KIAA1217: variants seen among roughly 807,000 people sequenced by gnomAD.
The protein encoded by KIAA1217 is sickle tail protein homolog.
Under a neutral mutation model 163.9 loss-of-function variants are expected in KIAA1217, and 88 were observed. The observed-to-expected ratio is 0.54, with a 90% CI of 0.45 to 0.64. The LOEUF is 0.64. Ranked by LOEUF, KIAA1217 falls within the 30% of genes least tolerant of loss-of-function variation. The pLI is 0.00. For missense variants in KIAA1217, 2,372 were observed against 2,475.0 expected (o/e 0.96, Z 0.88); for synonymous variants, 903 against 923.1 (o/e 0.98, Z 0.39).
intron 2 of KIAA1217, among the ~76,000 whole-genome samples, chr10:24,009,091 TG>T (rs1847135234): frequency 6.6e-6 from 1 of 152,192 alleles, no homozygotes; most frequent in South Asian, 2.1e-4. Context: ...TTTTGTTGCC[TG>T]AATTGGGATT....
chr10:23,845,036 C>T (rs1357817979), intron 1 of KIAA1217, among the ~76,000 whole-genome samples: 1 of 152,110 alleles, frequency 6.6e-6, no homozygotes, highest in Non-Finnish European at 1.5e-5. Context: ...TAGTTTCCAG[C>T]TTCATCCATG....
chr10:24,540,530 C>T (rs534004949), intron 17 of KIAA1217, among the ~76,000 whole-genome samples: 2 of 152,246 alleles, frequency 1.3e-5, no homozygotes, highest in Non-Finnish European at 2.9e-5. Context: ...CCATGCCTGG[C>T]CTGAAACGTT....
At chr10:24,272,914 C>A (rs191406679) in intron 2 of KIAA1217, among the ~76,000 whole-genome samples, 285 of 152,316 alleles carry the variant, frequency 1.9e-3, no homozygotes, top group African/African-American at 6.5e-3. Flanking sequence ...ATAGCATCCA[C>A]CCCAGTTCTT....
rs201878710 is a variant in KIAA1217, at chr10:24,372,571, AC to A, written c.355-8294del. 7.7e-3 allele frequency among the ~76,000 whole-genome samples: 1,175 copies of A among 152,276 alleles called. 46 individuals carry two copies. Among genetic ancestry groups the A allele is most frequent in the Admixed American group, 0.063 (960 of 15,294 alleles). On this transcript the variant is annotated intron_variant, in intron 2 of 20. Coordinates refer to ENST00000376454, the MANE Select transcript of KIAA1217 (RefSeq NM_019590.5). The stretch of plus-strand genomic sequence containing the variant: ...CTGCCTGGGTGACGGGATCAATTGT[AC>A]CCCAGACCTCAGCATTTTGCAATAT...
chr10:24,058,909 A>T (rs1180748993), intron 2 of KIAA1217, among the ~76,000 whole-genome samples: 1 of 152,070 alleles, frequency 6.6e-6, no homozygotes, highest in Non-Finnish European at 1.5e-5. Context: ...TAGAACTTCC[A>T]TTACTTTATT....
At chr10:23,909,923 G>A (rs1842357842) in intron 1 of KIAA1217, among the ~76,000 whole-genome samples, 1 of 152,148 alleles carries the variant, frequency 6.6e-6, no homozygotes, top group South Asian at 2.1e-4. Flanking sequence ...CAGCGTAAAA[G>A]CATTCCTATT....
intron 2 of KIAA1217, among the ~76,000 whole-genome samples, chr10:24,276,372 G>A (rs1368339219): frequency 6.6e-6 from 1 of 152,154 alleles, no homozygotes; most frequent in African/African-American, 2.4e-5. Context: ...CGTTCTGCCC[G>A]GTTTGAGGGC....
chr10:24,263,702 T>C lies in KIAA1217; in HGVS notation c.354+43793T>C, dbSNP rs141644549. 8.6e-3 allele frequency among the ~76,000 whole-genome samples: 1,311 copies of C among 152,326 alleles called. 13 individuals are homozygous for C. Among genetic ancestry groups the C allele is most frequent in the African/African-American group, 0.03 (1,245 of 41,562 alleles). On this transcript the variant is annotated intron_variant, in intron 2 of 20. Coordinates refer to ENST00000376454, the MANE Select transcript of KIAA1217 (RefSeq NM_019590.5). Reference sequence around the variant, plus strand: ...GACCAGTATTGTTTCTGACTAACTTTATCCAGTTGAGTGGGGTTGTGTCTC... The same window carrying C: ...GACCAGTATTGTTTCTGACTAACTTCATCCAGTTGAGTGGGGTTGTGTCTC...
In KIAA1217 at chr10:23,755,676, G is replaced by C. The variant is rs1031280469; in HGVS notation, c.-321+60442G>C. Among the ~76,000 whole-genome samples, 9 of 152,178 alleles carry C rather than the reference G, an allele frequency of 5.9e-5. No homozygotes were observed. The South Asian group carries it at 1.7e-3, about 28-fold the overall frequency. ...GGGAGAAGACTTAATAGGTTATTGT[G>C]GAAGGAAAAAATAGAAATGTCAATA... On this transcript the variant is annotated intron_variant, in intron 1 of 18. Transcript: ENST00000376462.
At chr10:24,419,233 T>C (rs1267964378) in intron 3 of KIAA1217, among the ~76,000 whole-genome samples, 1 of 151,886 alleles carries the variant, frequency 6.6e-6, no homozygotes, top group African/African-American at 2.4e-5. Flanking sequence ...CTTTGCTTTC[T>C]ATAACCACTC....
intron 1 of KIAA1217, among the ~76,000 whole-genome samples, chr10:23,828,018 G>A (rs979769671): frequency 6.6e-6 from 1 of 152,194 alleles, no homozygotes; most frequent in Non-Finnish European, 1.5e-5. Flanking sequence ...GTGGAGAATT[G>A]AGCCAGATTG....
At chr10:24,183,981 C>T (rs935157213) in intron 2 of KIAA1217, among the ~76,000 whole-genome samples, 4 of 152,200 alleles carry the variant, frequency 2.6e-5, no homozygotes, top group African/African-American at 9.6e-5. Context: ...TTTACAAAAA[C>T]ATATCTCCCC....
chr10:24,168,556 G>T (rs2065468169), intron 2 of KIAA1217, among the ~76,000 whole-genome samples: 1 of 152,202 alleles, frequency 6.6e-6, no homozygotes, highest in African/African-American at 2.4e-5. Flanking sequence ...TTTCTTAAAA[G>T]AAACGTGACC....
At chr10:24,015,316 T>G (rs1185002122) in intron 2 of KIAA1217, among the ~76,000 whole-genome samples, 2 of 152,140 alleles carry the variant, frequency 1.3e-5, no homozygotes, top group Non-Finnish European at 2.9e-5. Context: ...GAAGATTTAC[T>G]GTTGATGTGA....
In KIAA1217 at chr10:24,473,601, C is replaced by A; in HGVS notation, c.1220C>A (p.Ala407Asp). Residue 407 changes from alanine (A) to aspartate (D), a missense_variant, in exon 6 of 21, where the codon GCC becomes GAC. By Grantham distance (126) the Ala-to-Asp change is moderately radical. Around this residue, in one of 3 missense-constraint regions of KIAA1217, gnomAD observed 1,431 missense variants for 1,470.3 expected, o/e 0.97. Coordinates refer to ENST00000376454, the MANE Select transcript of KIAA1217 (RefSeq NM_019590.5). ...YLYHEGRMSI[A>D]SSHGGHPLDV... is the part of the protein sequence containing the mutation. ...TATCACGAGGGACGGATGAGCATAG[C>A]CTCATCCCATGGTGGACACCCACTG... The A allele has an allele frequency of 6.2e-7, 1 of 1,613,902 alleles. No individual in the cohort carries two copies. Among genetic ancestry groups the A allele is most frequent in the Non-Finnish European group, 8.5e-7 (1 of 1,179,812 alleles).
intron 2 of KIAA1217, among the ~76,000 whole-genome samples, chr10:24,109,897 G>A (rs187920667): frequency 3.0e-4 from 46 of 152,324 alleles, no homozygotes; most frequent in African/African-American, 1.1e-3. Context: ...ACAACGTCTC[G>A]CTCTGTTGCC....
At chr10:23,806,938 A>T (rs777429083) in intron 1 of KIAA1217, among the ~76,000 whole-genome samples, 2 of 152,186 alleles carry the variant, frequency 1.3e-5, no homozygotes, top group Non-Finnish European at 2.9e-5. Flanking sequence ...ATCTTGGCCC[A>T]TTAGCAGCTA....
intron 1 of KIAA1217, among the ~76,000 whole-genome samples, chr10:24,212,988 C>T (rs6482374): frequency 0.6 from 91,574 of 151,938 alleles, 28,218 homozygotes; most frequent in African/African-American, 0.74. Flanking sequence ...ATGTAACTTA[C>T]TGTCCAAATG....
At chr10:24,176,099 T>C (rs1206303883) in intron 2 of KIAA1217, among the ~76,000 whole-genome samples, 1 of 152,188 alleles carries the variant, frequency 6.6e-6, no homozygotes, top group African/African-American at 2.4e-5. Context: ...AGAGAGCTGA[T>C]TGGTCCATTT....
Sources: allele counts gnomAD v4.1 joint callset (sites outside exome capture counted in the v4.1 genomes callset), GRCh38; gene constraint gnomAD v4.1.1; regional missense constraint gnomAD v4.1.1; transcripts MANE v1.5; gene names NCBI Gene and HGNC (gene_info 2026-07-23, HGNC 2026-07-21).